Variants in COL21A1 observed in about 807,000 individuals in gnomAD.
The protein encoded by COL21A1 is collagen alpha-1(XXI) chain.
In COL21A1, 149 loss-of-function variants were observed where a neutral mutation model predicts 137.9. The ratio of observed to expected loss-of-function variants is 1.08; its 90% CI spans 0.95 to 1.24. The LOEUF (loss-of-function observed/expected upper bound fraction) is 1.24, where lower values mean the gene tolerates loss of function less well. Among genes scored for constraint, COL21A1 ranks in the 50% most tolerant of loss-of-function variants. The pLI, the probability that COL21A1 is intolerant of heterozygous loss-of-function variation, is 0.00. For synonymous variants in COL21A1, 456 were observed against 391.5 expected (o/e 1.16, Z -1.95); for missense variants, 1,167 against 1,158.4 (o/e 1.01, Z -0.11).
intron 1 of COL21A1, among the ~76,000 whole-genome samples, chr6:56,265,028 A>T (rs576726224): frequency 5.3e-5 from 8 of 152,324 alleles, no homozygotes; most frequent in Non-Finnish European, 1.2e-4. Context: ...AGATACCAAG[A>T]TCTCATTTCA....
At chr6:56,085,260 AAATTT>A (rs1415252188) in intron 17 of COL21A1, among the ~76,000 whole-genome samples, 3 of 152,096 alleles carry the variant, frequency 2.0e-5, no homozygotes, top group African/African-American at 4.8e-5. Flanking sequence ...TAAAACTAAT[AAATTT>A]AAGTTATCTA....
rs529350210 is a variant in COL21A1, at chr6:56,318,353, T to C, written c.-39+75618A>G. ...TGACTGTTCTTAAGTTAAATATGTG[T>C]CCACTAACCCTTAGTGCTACCTAGA... On this transcript the variant is annotated intron_variant, in intron 1 of 28. Transcript: ENST00000370819. 5.9e-5 allele frequency among the ~76,000 whole-genome samples: 9 copies of C among 152,220 alleles called. 1 individual carries two copies. Among genetic ancestry groups the C allele is most frequent in the African/African-American group, 2.2e-4 (9 of 41,542 alleles).
upstream of COL21A1, chr6:56,247,781 G>A (rs1339814128): frequency 6.5e-6 from 1 of 152,796 alleles, no homozygotes; most frequent in Non-Finnish European, 1.5e-5. Context: ...GGTGAAGGAG[G>A]ACCAGGGAAG....
Position 56,124,268 on chromosome 6 carries a change from C to G in COL21A1, c.1675G>C (p.Ala559Pro). 6.2e-7 allele frequency: 1 copy of G among 1,604,598 alleles called. No homozygotes were observed. The highest frequency in any genetic ancestry group is 8.5e-7 in the Non-Finnish European group (1 of 1,175,214). ...KKGAKGEKGNAGFPGLPGPAG... is the reference protein window; with the variant it reads ...KKGAKGEKGNPGFPGLPGPAG... ...GGTCCAGGGAGGCCAGGGAAGCCAGCATTCCCCTTTTCACCTTTTGCACCC... is the reference window on the plus strand; with the variant it reads ...GGTCCAGGGAGGCCAGGGAAGCCAGGATTCCCCTTTTCACCTTTTGCACCC... Residue 559 changes from alanine (A) to proline (P), a missense_variant, in exon 15 of 30, where the codon GCT (alanine) becomes CCT (proline). Ala to Pro is a conservative substitution (Grantham distance 27). Coordinates refer to ENST00000244728, the MANE Select transcript of COL21A1 (RefSeq NM_030820.4).
At chr6:56,084,883 G>GCTA (rs1305293614) in intron 17 of COL21A1, among the ~76,000 whole-genome samples, 1 of 152,028 alleles carries the variant, frequency 6.6e-6, no homozygotes, top group African/African-American at 2.4e-5. Flanking sequence ...ACACCTCCCT[G>GCTA]CTATGATCTC....
chr6:56,117,420 C>T (rs1180533896), intron 16 of COL21A1, among the ~76,000 whole-genome samples: 1 of 151,898 alleles, frequency 6.6e-6, no homozygotes, highest in Non-Finnish European at 1.5e-5. Context: ...AACACCCAAG[C>T]ATCCAGATAT....
In COL21A1 at chr6:56,057,557, TTAAG is replaced by T. The variant is rs1352728624; in HGVS notation, c.*96_*99del. The T allele has an allele frequency of 9.0e-7, 1 of 1,108,172 alleles. No individual in the cohort carries two copies. The highest frequency in any genetic ancestry group is 1.6e-5 in the African/African-American group (1 of 62,518). 68.6% of individuals were successfully genotyped at this position (1,108,172 alleles called of 1,614,324 possible). The stretch of plus-strand genomic sequence containing the variant: ...AAAAAAAATAAAAACACCGAGGTAC[TTAAG>T]TTTCTTTTCAAGGGATTACTGTTGG... On this transcript the variant is annotated 3_prime_UTR_variant, in exon 30 of 30. Transcript: ENST00000244728.
At chr6:56,141,620 TA>T (rs1337475334) in intron 12 of COL21A1, among the ~76,000 whole-genome samples, 164 bp downstream of exon 12, 1 of 152,226 alleles carries the variant, frequency 6.6e-6, no homozygotes, top group Non-Finnish European at 1.5e-5. Flanking sequence ...TATGTAGTGA[TA>T]AAGCCTTCTA....
At chr6:56,344,621 AC>A (rs1418459457) in intron 1 of COL21A1, among the ~76,000 whole-genome samples, 1 of 152,164 alleles carries the variant, frequency 6.6e-6, no homozygotes, top group African/African-American at 2.4e-5. Context: ...TATTTCATTT[AC>A]CCCATATTTC....
intron 2 of COL21A1, 24 bp from the exon 3 acceptor site, chr6:56,180,153 T>C (rs1239395330): frequency 2.6e-6 from 4 of 1,555,234 alleles, no homozygotes; most frequent in Admixed American, 2.1e-5. Context: ...AAAACCATCA[T>C]AGCACATCTT....
chr6:56,372,397 G>A (rs2093991105), intron 1 of COL21A1, among the ~76,000 whole-genome samples: 1 of 152,196 alleles, frequency 6.6e-6, no homozygotes, highest in Admixed American at 6.5e-5. Flanking sequence ...CTGGCTGACA[G>A]GAATGGTGGT....
intron 27 of COL21A1, chr6:56,060,493 T>G (rs1179014595): frequency 2.1e-6 from 1 of 476,880 alleles, no homozygotes; most frequent in East Asian, 3.6e-5. Flanking sequence ...AACTAAATTA[T>G]CAAAAAATAT....
intron 1 of COL21A1, among the ~76,000 whole-genome samples, chr6:56,322,075 C>G (rs1399935827): frequency 2.0e-5 from 3 of 152,046 alleles, no homozygotes; most frequent in African/African-American, 7.2e-5. Context: ...AAGCATTTCC[C>G]AAAGCCAAAC....
chr6:56,057,655 C>T lies in COL21A1; in HGVS notation c.*2G>A, dbSNP rs1428029711. ...CTAGGCTGCTGAATGAGGCATCAGACACTAATAGTTTGGTCCTTTTCTGAA... is the reference window on the plus strand; with the variant it reads ...CTAGGCTGCTGAATGAGGCATCAGATACTAATAGTTTGGTCCTTTTCTGAA... On this transcript the variant is annotated 3_prime_UTR_variant, in exon 30 of 30. Coordinates refer to ENST00000244728, the MANE Select transcript of COL21A1 (RefSeq NM_030820.4). The T allele has an allele frequency of 1.9e-6, 3 of 1,612,456 alleles. No homozygotes were observed. Among genetic ancestry groups the T allele is most frequent in the South Asian group, 1.1e-5 (1 of 90,992 alleles).
chr6:56,167,049 A>C, intron 6 of COL21A1, 66 bp from the exon 7 acceptor site: 1 of 1,088,364 alleles, frequency 9.2e-7, no homozygotes. Flanking sequence ...AGAGCAACTC[A>C]GATACATAGA....
At chr6:56,179,420 G>T in intron 3 of COL21A1, among the ~76,000 whole-genome samples, 158 bp downstream of exon 3, 1 of 151,996 alleles carries the variant, frequency 6.6e-6, no homozygotes, top group East Asian at 1.9e-4. Flanking sequence ...TATGCTCACA[G>T]TATAAATATA....
At chr6:56,243,073 T>C (rs1182167603) in intron 1 of COL21A1, among the ~76,000 whole-genome samples, 3 of 152,158 alleles carry the variant, frequency 2.0e-5, no homozygotes, top group Non-Finnish European at 4.4e-5. Flanking sequence ...TCCAAACCTG[T>C]TCCCTCATTT....
chr6:56,248,125 A>G (rs977263171), upstream of COL21A1, among the ~76,000 whole-genome samples: 4 of 152,262 alleles, frequency 2.6e-5, no homozygotes, highest in Non-Finnish European at 2.9e-5. Context: ...TTATGACAAG[A>G]TAAAGATGCT....
chr6:56,074,229 T>A lies in COL21A1; in HGVS notation c.1965+3A>T. 6.3e-7 allele frequency: 1 copy of A among 1,575,534 alleles called. No homozygotes were observed. The highest frequency in any genetic ancestry group is 8.6e-7 in the Non-Finnish European group (1 of 1,161,322). On this transcript the variant is annotated splice_donor_region_variant and intron_variant, in intron 20 of 29. Coordinates refer to ENST00000244728, the MANE Select transcript of COL21A1 (RefSeq NM_030820.4). ...CCAGTCTTGTTTATTTTATCATATT[T>A]ACCTTAGATCCCGGTGTTCCAGGCT...
Sources: gnomAD v4.1 joint callset for allele counts (sites outside exome capture counted in the v4.1 genomes callset) on GRCh38, gnomAD v4.1.1 for gene constraint, MANE v1.5 for transcripts, NCBI Gene and HGNC (gene_info 2026-07-23, HGNC 2026-07-21) for gene names.